The following PTPRG variants were observed in gnomAD, a reference collection of about 807,000 sequenced individuals.
PTPRG encodes protein tyrosine phosphatase receptor type G.
PTPRG carries 102 observed loss-of-function variants against 165.3 expected under a neutral mutation model. That is an observed-to-expected ratio of 0.62 (90% confidence interval 0.53 to 0.73). PTPRG has a LOEUF of 0.73. Ranked by LOEUF, PTPRG falls within the 30% of genes least tolerant of loss-of-function variation. The pLI is 0.00. For synonymous variants in PTPRG, 675 were observed against 669.5 expected (o/e 1.01, Z -0.13); for missense variants, 1,866 against 1,861.4 (o/e 1.00, Z -0.05).
At chr3:61,723,475 T>C (rs1381249897) in intron 1 of PTPRG, among the ~76,000 whole-genome samples, 1 of 152,188 alleles carries the variant, frequency 6.6e-6, no homozygotes, top group African/African-American at 2.4e-5. Context: ...TCTTTAAATA[T>C]ATATTTTCTC....
intron 15 of PTPRG, among the ~76,000 whole-genome samples, chr3:62,253,349 C>T (rs1456613571): frequency 1.3e-5 from 2 of 152,074 alleles, no homozygotes; most frequent in Admixed American, 6.6e-5. Flanking sequence ...TGTCACTCTG[C>T]CCTTGAAAAT....
At chr3:61,804,679 CAAAA>C (rs201093675) in intron 2 of PTPRG, among the ~76,000 whole-genome samples, 1 of 115,352 alleles carries the variant, frequency 8.7e-6, no homozygotes, top group African/African-American at 3.2e-5. Flanking sequence ...TTTCTCTCTC[CAAAA>C]AAAAAAAAAA....
intron 2 of PTPRG, among the ~76,000 whole-genome samples, chr3:61,817,477 C>G (rs2035821130): frequency 6.6e-6 from 1 of 151,400 alleles, no homozygotes; most frequent in East Asian, 1.9e-4. Context: ...AGAAAACAAC[C>G]AATAATGGCA....
intron 2 of PTPRG, among the ~76,000 whole-genome samples, chr3:61,885,082 C>A (rs888877696): frequency 6.6e-6 from 1 of 151,892 alleles, no homozygotes; most frequent in Non-Finnish European, 1.5e-5. Context: ...ATTTATTGCA[C>A]CCTGCCAATT....
Position 61,562,327 on chromosome 3 carries a change from C to A in PTPRG, c.40C>A (p.Leu14Met). The change falls in exon 1 of 30, where the codon CTG (leucine) becomes ATG (methionine). Residue 14 changes from leucine (L) to methionine (M), a missense_variant. By Grantham distance (15) the Leu-to-Met change is conservative. Around this residue, in one of 3 missense-constraint regions of PTPRG, gnomAD observed 408 missense variants for 376.2 expected, o/e 1.08. Coordinates refer to ENST00000474889, the MANE Select transcript of PTPRG (RefSeq NM_002841.4). Reference sequence around the variant, plus strand: ...GGAACCGTGTTGGTGGATTTTGTTCCTGAAAATCACCAGTTCCGTGCTCCA... The same window carrying A: ...GGAACCGTGTTGGTGGATTTTGTTCATGAAAATCACCAGTTCCGTGCTCCA... The part of the protein sequence containing the change: ...LLEPCWWILF[L>M]KITSSVLHYV... 1 of 1,613,682 alleles carries A rather than the reference C, an allele frequency of 6.2e-7. No homozygotes were observed. The highest frequency in any genetic ancestry group is 8.5e-7 in the Non-Finnish European group (1 of 1,179,694).
At chr3:61,773,920 G>T (rs894784731) in intron 2 of PTPRG, among the ~76,000 whole-genome samples, 1 of 151,870 alleles carries the variant, frequency 6.6e-6, no homozygotes, top group Admixed American at 6.6e-5. Flanking sequence ...GATTACAGGC[G>T]TGCACCACCA....
At chr3:62,184,671 G>A (rs1024915698) in intron 8 of PTPRG, among the ~76,000 whole-genome samples, 5 of 152,138 alleles carry the variant, frequency 3.3e-5, no homozygotes. Flanking sequence ...TCTCCCCCAC[G>A]GTCGTCTGCT....
intron 10 of PTPRG, among the ~76,000 whole-genome samples, chr3:62,200,959 G>A (rs889833268): frequency 5.3e-5 from 8 of 152,160 alleles, no homozygotes; most frequent in Non-Finnish European, 1.0e-4. Context: ...TAGTAGAGGA[G>A]GAACAATGGT....
chr3:62,073,618 G>A (rs1171238603), intron 4 of PTPRG, among the ~76,000 whole-genome samples: 1 of 151,956 alleles, frequency 6.6e-6, no homozygotes, highest in Non-Finnish European at 1.5e-5. Flanking sequence ...AGCCTCCCAA[G>A]TGGCAGGCAC....
chr3:61,928,174 G>A (rs2039273314), intron 2 of PTPRG, among the ~76,000 whole-genome samples: 1 of 152,188 alleles, frequency 6.6e-6, no homozygotes, highest in Non-Finnish European at 1.5e-5. Flanking sequence ...GAAGCCGAGA[G>A]TTGAGTGGCC....
chr3:61,718,171 C>T (rs978590208), intron 1 of PTPRG, among the ~76,000 whole-genome samples: 5 of 148,708 alleles, frequency 3.4e-5, no homozygotes, highest in African/African-American at 1.2e-4. Context: ...CTGAGCAAGA[C>T]CCTGTCTAAA....
intron 7 of PTPRG, among the ~76,000 whole-genome samples, chr3:62,165,223 T>G (rs1576083771): frequency 1.3e-5 from 2 of 152,242 alleles, no homozygotes; most frequent in East Asian, 1.9e-4. Context: ...ACAGGATTTT[T>G]TCTCCATCTT....
intron 2 of PTPRG, among the ~76,000 whole-genome samples, chr3:61,781,788 C>T (rs933490014): frequency 6.6e-6 from 1 of 151,634 alleles, no homozygotes; most frequent in Admixed American, 6.6e-5. Flanking sequence ...AGTGCAGTGG[C>T]GAGATCATAG....
chr3:61,718,648 T>C (rs527345459), intron 1 of PTPRG, among the ~76,000 whole-genome samples: 2 of 152,378 alleles, frequency 1.3e-5, no homozygotes, highest in East Asian at 3.9e-4. Context: ...GTGTGCCATC[T>C]TCTGTGCTAC....
intron 6 of PTPRG, among the ~76,000 whole-genome samples, chr3:62,137,191 A>G (rs536587541): frequency 1.3e-5 from 2 of 152,288 alleles, no homozygotes; most frequent in East Asian, 3.9e-4. Context: ...TTAGGGGAAA[A>G]TTGTAAATCC....
intron 4 of PTPRG, among the ~76,000 whole-genome samples, chr3:62,053,831 G>C (rs1403685492): frequency 6.6e-6 from 1 of 152,150 alleles, no homozygotes; most frequent in East Asian, 1.9e-4. Flanking sequence ...GGCTCAAACT[G>C]CTGGTTAGAT....
chr3:61,621,275 G>A (rs1264890452), intron 1 of PTPRG, among the ~76,000 whole-genome samples: 1 of 152,034 alleles, frequency 6.6e-6, no homozygotes, highest in Non-Finnish European at 1.5e-5. Flanking sequence ...CTTAGGTGAC[G>A]AGGCTGGCAC....
At position 62,115,640 on chromosome 3, in the gene PTPRG, C is replaced by CT. The variant is rs74266091; in HGVS notation, c.616-16948dup. 5.0e-3 allele frequency among the ~76,000 whole-genome samples: 711 copies of CT among 141,906 alleles called. 4 individuals are homozygous for CT. The highest frequency in any genetic ancestry group is 0.014 in the South Asian group (63 of 4,406). 93.1% of individuals were successfully genotyped at this position (141,906 alleles called of 152,430 possible). ...CATATAGATTGATCCAAGGCACATT[C>CT]TTTTTTTTTTTTTTAGAGACAGGAT... On this transcript the variant is annotated intron_variant, in intron 5 of 29. Transcript: ENST00000474889.
intron 26 of PTPRG, among the ~76,000 whole-genome samples, chr3:62,280,946 TAC>T (rs540773719): frequency 6.6e-6 from 1 of 152,040 alleles, no homozygotes; most frequent in Non-Finnish European, 1.5e-5. Context: ...ACATGAGGAC[TAC>T]AGGTAATAAA....
Sources: allele counts gnomAD v4.1 joint callset (sites outside exome capture counted in the v4.1 genomes callset), GRCh38; gene constraint gnomAD v4.1.1; regional missense constraint gnomAD v4.1.1; transcripts MANE v1.5; gene names NCBI Gene and HGNC (gene_info 2026-07-23, HGNC 2026-07-21).